The following ORC4 variants were observed in gnomAD, a reference collection of about 807,000 sequenced individuals.
The protein encoded by ORC4 is origin recognition complex subunit 4, also known as origin recognition complex, subunit 4 homolog.
ORC4 carries 55 observed loss-of-function variants against 63.9 expected under a neutral mutation model. That is an observed-to-expected ratio of 0.86 (90% CI 0.69 to 1.08). The LOEUF is 1.08. ORC4 is among the 50% of genes least tolerant of loss of function. The pLI is 0.00. For synonymous variants in ORC4, 150 were observed against 168.5 expected (o/e 0.89, Z 0.85); for missense variants, 511 against 504.4 (o/e 1.01, Z -0.13).
intron 1 of ORC4, among the ~76,000 whole-genome samples, chr2:148,014,944 C>T (rs1191003958): frequency 6.6e-6 from 1 of 151,930 alleles, no homozygotes; most frequent in African/African-American, 2.4e-5. Flanking sequence ...CCAATAAAAG[C>T]AAGATTGTAA....
intron 1 of ORC4, among the ~76,000 whole-genome samples, chr2:147,977,825 T>A (rs1690656381): frequency 6.6e-6 from 1 of 152,182 alleles, no homozygotes; most frequent in Non-Finnish European, 1.5e-5. Flanking sequence ...CTGGGAGGGC[T>A]CCTACTGGAT....
intron 4 of ORC4, among the ~76,000 whole-genome samples, chr2:147,967,090 A>G (rs1166927445): frequency 6.6e-6 from 1 of 152,080 alleles, no homozygotes; most frequent in African/African-American, 2.4e-5. Flanking sequence ...GCCAGAAACT[A>G]TATCATCTCA....
intron 3 of ORC4, among the ~76,000 whole-genome samples, 187 bp from the exon 4 acceptor site, chr2:147,973,016 T>G (rs1690311552): frequency 1.3e-5 from 2 of 152,190 alleles, no homozygotes; most frequent in African/African-American, 4.8e-5. Context: ...GCAGTATTGA[T>G]TCTCTGAAAT....
In ORC4 at chr2:147,932,330, T is replaced by G. The variant is rs985527400; in HGVS notation, c.*3180A>C. On this transcript the variant is annotated 3_prime_UTR_variant, in exon 14 of 14. Transcript: ENST00000392857. ...AGGATACAAACAAATGGAAGAACAT[T>G]CCATGCTCTTGGGTAGGAAGAATCA... 6.6e-6 allele frequency: 1 copy of G among 152,086 alleles called. No individual in the cohort carries two copies. Among genetic ancestry groups the G allele is most frequent in the Non-Finnish European group, 1.5e-5 (1 of 68,018 alleles). The allele number at this position is 152,086 out of a possible 1,614,324, so 9.4% of individuals were successfully genotyped here.
chr2:147,955,690 G>GA (rs919028489), intron 6 of ORC4, among the ~76,000 whole-genome samples: 42 of 151,968 alleles, frequency 2.8e-4, no homozygotes, highest in African/African-American at 9.9e-4. Flanking sequence ...ATATTTTCCG[G>GA]AAAAAATCTG....
rs114817516 is a variant in ORC4, at chr2:147,993,197, C to T, written c.-17-17222G>A. ...CTGAAGGCTCCCATGTCACGTAACA[C>T]CAAGATCAAATAAAATCATATGCCC... On this transcript the variant is annotated intron_variant, in intron 1 of 13. Transcript: ENST00000392857. Among the ~76,000 whole-genome samples the T allele has an allele frequency of 4.6e-3, 696 of 152,246 alleles. 4 individuals are homozygous for T. Among genetic ancestry groups the T allele is most frequent in the African/African-American group, 0.016 (648 of 41,556 alleles).
intron 1 of ORC4, among the ~76,000 whole-genome samples, chr2:148,004,586 GC>G (rs1040625286): frequency 6.6e-6 from 1 of 151,794 alleles, no homozygotes; most frequent in African/African-American, 2.4e-5. Flanking sequence ...ACTGAAACTG[GC>G]CCCCCCTTCC....
At position 147,948,177 on chromosome 2, in the gene ORC4, G is replaced by A. The variant is rs368518200; in HGVS notation, c.636C>T (p.His212=). 1 of 1,609,442 alleles carries A rather than the reference G, an allele frequency of 6.2e-7. No homozygotes were observed. The highest frequency in any genetic ancestry group is 1.3e-5 in the African/African-American group (1 of 74,706). The change falls in exon 9 of 14, where the codon CAC becomes CAT. Residue 212 remains histidine, a synonymous_variant. Coordinates refer to ENST00000392857, the MANE Select transcript of ORC4 (RefSeq NM_181741.4). ...LEKRVKSRFS[H]RQIHLMNSFG... ...ATGAATTCATTAAGTGTATCTGCCG[G>A]TGAGAAAATCTTGACTTCACTCTTT...
At chr2:147,996,195 T>C (rs1409738856) in intron 1 of ORC4, among the ~76,000 whole-genome samples, 2 of 152,016 alleles carry the variant, frequency 1.3e-5, no homozygotes, top group Non-Finnish European at 2.9e-5. Flanking sequence ...TTCCAGCTAC[T>C]TGGGAGGCTG....
chr2:147,946,663 T>C (rs1468281829), intron 9 of ORC4, among the ~76,000 whole-genome samples: 1 of 152,046 alleles, frequency 6.6e-6, no homozygotes, highest in Non-Finnish European at 1.5e-5. Flanking sequence ...AGGCATAATA[T>C]CTGAATTTTA....
At chr2:147,969,148 T>C (rs892884401) in intron 4 of ORC4, among the ~76,000 whole-genome samples, 11 of 151,904 alleles carry the variant, frequency 7.2e-5, no homozygotes, top group African/African-American at 2.7e-4. Context: ...AAAGGAGGGA[T>C]AGTGAGAGAT....
In ORC4 at chr2:147,972,721, G is replaced by C. The variant is rs752755113; in HGVS notation, c.225+18C>G. 4 of 1,522,548 alleles carry C rather than the reference G, an allele frequency of 2.6e-6. No homozygotes were observed. The South Asian group carries it at 4.6e-5, about 17-fold the overall frequency. The allele number at this position is 1,522,548 out of a possible 1,614,324, so 94.3% of individuals were successfully genotyped here. A position where few individuals can be genotyped will look rare whatever the true frequency, so the allele number is the denominator to read the frequency against. On this transcript the variant is annotated intron_variant, in intron 4 of 13. Coordinates refer to ENST00000392857, the MANE Select transcript of ORC4 (RefSeq NM_181741.4). Reference sequence around the variant, plus strand: ...AATCATCACATGCCAACAAACACCAGAAATCAACAGCTTTTACCATAGTTT... The same window carrying C: ...AATCATCACATGCCAACAAACACCACAAATCAACAGCTTTTACCATAGTTT...
intron 1 of ORC4, among the ~76,000 whole-genome samples, chr2:148,012,186 C>T (rs1011432085): frequency 2.0e-5 from 3 of 152,158 alleles, no homozygotes; most frequent in African/African-American, 7.2e-5. Context: ...AGACTTACCA[C>T]ACTACCAAAC....
upstream of ORC4, chr2:148,020,744 A>G (rs918623987): frequency 1.3e-5 from 2 of 152,412 alleles, no homozygotes; most frequent in Admixed American, 6.5e-5. Context: ...CACTCCCGGC[A>G]TGCCCCGCGC....
At chr2:148,004,291 C>G (rs1016455318) in intron 1 of ORC4, among the ~76,000 whole-genome samples, 5 of 152,130 alleles carry the variant, frequency 3.3e-5, no homozygotes, top group African/African-American at 1.2e-4. Flanking sequence ...CAAAAAAGAG[C>G]CCGCATAAGC....
At chr2:148,018,864 G>T (rs1316118303) in intron 1 of ORC4, among the ~76,000 whole-genome samples, 1 of 152,212 alleles carries the variant, frequency 6.6e-6, no homozygotes, top group African/African-American at 2.4e-5. Flanking sequence ...GAATAGAATG[G>T]AGAGGGGAGC....
intron 1 of ORC4, among the ~76,000 whole-genome samples, chr2:147,999,233 C>T (rs986047527): frequency 3.3e-5 from 5 of 152,188 alleles, no homozygotes; most frequent in Non-Finnish European, 5.9e-5. Context: ...TTATTTTCTA[C>T]ACAGGGTAAG....
At chr2:148,013,791 G>A (rs1195079781) in intron 1 of ORC4, among the ~76,000 whole-genome samples, 9 of 152,080 alleles carry the variant, frequency 5.9e-5, no homozygotes, top group Non-Finnish European at 1.2e-4. Context: ...TCAAATCTCA[G>A]AAGTAAAAAA....
chr2:147,949,270 A>G (rs558581440), intron 8 of ORC4, among the ~76,000 whole-genome samples: 1 of 152,186 alleles, frequency 6.6e-6, no homozygotes, highest in South Asian at 2.1e-4. Context: ...TTATTTGGTA[A>G]TAAAAAGGAA....
Sources: allele counts gnomAD v4.1 joint callset (sites outside exome capture counted in the v4.1 genomes callset), GRCh38; gene constraint gnomAD v4.1.1; transcripts MANE v1.5; gene names NCBI Gene and HGNC (gene_info 2026-07-23, HGNC 2026-07-21).